The following NAV3 variants were observed in gnomAD, a reference collection of about 807,000 sequenced individuals.
NAV3 encodes neuron navigator 3, also known as pore membrane and/or filament interacting like protein 1.
In NAV3, 87 loss-of-function variants were observed where a neutral mutation model predicts 244.7. That is an observed-to-expected ratio of 0.36 (90% confidence interval 0.30 to 0.42). NAV3 has a LOEUF of 0.42. Among genes scored for constraint, NAV3 ranks in the 20% least tolerant of loss-of-function variants. NAV3 has a pLI of 1.00. For synonymous variants in NAV3, 1,126 were observed against 1,042.2 expected, an observed-to-expected ratio of 1.08 and a Z score of -1.55; for missense variants, 2,663 against 2,893.3, an observed-to-expected ratio of 0.92 and a Z score of 1.83.
intron 12 of NAV3, among the ~76,000 whole-genome samples, chr12:78,096,616 T>C (rs1042627014): frequency 2.6e-5 from 4 of 151,998 alleles, no homozygotes; most frequent in Admixed American, 1.3e-4. Flanking sequence ...GGGGAACTGC[T>C]CTCCATAAAA....
rs996453191 is a variant in NAV3, at chr12:77,706,790, G to A, written c.72+134524G>A. 1.8e-4 allele frequency among the ~76,000 whole-genome samples: 25 copies of A among 142,040 alleles called. 1 individual carries two copies. The highest frequency in any genetic ancestry group is 5.8e-4 in the African/African-American group (22 of 37,946). The allele number at this position is 142,040 out of a possible 152,430, so 93.2% of individuals were successfully genotyped here. A position where few individuals can be genotyped will look rare whatever the true frequency, so the allele number is the denominator to read the frequency against. ...GGAGGCTGAGGCAGGAGAATGGCAT[G>A]AGCCCGGGAGGCGGAGCTTGCAGTG... is the stretch of plus-strand genomic sequence containing the variant. On this transcript the variant is annotated intron_variant, in intron 2 of 8. Transcript: ENST00000550042.
At chr12:78,175,619 T>C (rs1958188273) in intron 25 of NAV3, among the ~76,000 whole-genome samples, 192 bp downstream of exon 25, 1 of 152,052 alleles carries the variant, frequency 6.6e-6, no homozygotes, top group East Asian at 1.9e-4. Context: ...ATGTTGGGAC[T>C]AAACTTGGGT....
chr12:77,583,607 G>A (rs1869466576), intron 2 of NAV3, among the ~76,000 whole-genome samples: 1 of 152,134 alleles, frequency 6.6e-6, no homozygotes, highest in Admixed American at 6.5e-5. Context: ...CATTTCCGAA[G>A]CACTTACCAT....
chr12:77,940,341 A>G lies in NAV3; in HGVS notation c.266A>G (p.His89Arg). The G allele has an allele frequency of 6.2e-7, 1 of 1,613,826 alleles. No homozygotes were observed. Among genetic ancestry groups the G allele is most frequent in the Non-Finnish European group, 8.5e-7 (1 of 1,179,802 alleles). The change falls in exon 2 of 40, where the codon CAC becomes CGC. Residue 89 changes from histidine to arginine, a missense_variant. This residue lies in a region of NAV3 where 1,521 missense variants were observed against 1,497.0 expected (regional missense o/e 1.02). Coordinates refer to ENST00000397909, the MANE Select transcript of NAV3 (RefSeq NM_001024383.2). ...DSKIYTDWAN[H>R]YLAKSGHKRL... ...CAGATTTACACTGACTGGGCCAACC[A>G]CTACCTAGCAAAATCAGGCCACAAG... is the stretch of plus-strand genomic sequence containing the variant.
chr12:77,958,843 T>A (rs1249092483), intron 3 of NAV3, among the ~76,000 whole-genome samples: 1 of 152,132 alleles, frequency 6.6e-6, no homozygotes, highest in Non-Finnish European at 1.5e-5. Flanking sequence ...GACATTAAAT[T>A]GTGCCTGACA....
At chr12:78,177,102 G>A (rs1467947120) in intron 26 of NAV3, 39 bp from the exon 27 acceptor site, 3 of 1,610,514 alleles carry the variant, frequency 1.9e-6, no homozygotes, top group Non-Finnish European at 2.5e-6. Flanking sequence ...CTCTCCAAGT[G>A]CAAATAGACA....
chr12:77,728,337 G>A (rs1173022058), intron 2 of NAV3, among the ~76,000 whole-genome samples: 1 of 151,900 alleles, frequency 6.6e-6, no homozygotes, highest in African/African-American at 2.4e-5. Flanking sequence ...AAATGGCATG[G>A]GTAGACTTGT....
At chr12:78,042,649 G>C (rs953180333) in intron 9 of NAV3, among the ~76,000 whole-genome samples, 2 of 152,032 alleles carry the variant, frequency 1.3e-5, no homozygotes, top group African/African-American at 4.8e-5. Context: ...AAATTAGCCG[G>C]GCATGGTGGC....
chr12:77,585,903 C>T (rs1201725707), intron 2 of NAV3, among the ~76,000 whole-genome samples: 2 of 152,224 alleles, frequency 1.3e-5, no homozygotes, highest in Non-Finnish European at 2.9e-5. Context: ...TGGCACATGC[C>T]TGTAATCCCA....
chr12:77,870,183 G>A (rs1235288184), intron 1 of NAV3, among the ~76,000 whole-genome samples: 1 of 151,946 alleles, frequency 6.6e-6, no homozygotes, highest in East Asian at 1.9e-4. Context: ...TGGGCAACAT[G>A]GTGAAACCCC....
At chr12:77,990,889 A>G (rs913322150) in intron 5 of NAV3, among the ~76,000 whole-genome samples, 36 of 152,050 alleles carry the variant, frequency 2.4e-4, no homozygotes, top group Admixed American at 2.3e-3. Context: ...TTATTATTGT[A>G]TTTCTGTAAT....
At chr12:78,040,838 G>A (rs903159935) in intron 9 of NAV3, among the ~76,000 whole-genome samples, 3 of 152,202 alleles carry the variant, frequency 2.0e-5, no homozygotes, top group African/African-American at 7.2e-5. Flanking sequence ...TAGGTTTAGT[G>A]CTTCTCCAAT....
chr12:77,752,395 C>T (rs1297627440), intron 2 of NAV3, among the ~76,000 whole-genome samples: 6 of 152,094 alleles, frequency 3.9e-5, no homozygotes, highest in South Asian at 2.1e-4. Context: ...CAAATACCCA[C>T]GAGTTCAGGG....
intron 8 of NAV3, among the ~76,000 whole-genome samples, chr12:78,008,915 C>A (rs958077348): frequency 6.6e-6 from 1 of 151,888 alleles, no homozygotes; most frequent in African/African-American, 2.4e-5. Context: ...ATTTCAAAAA[C>A]GTGAGAAAAA....
chr12:77,880,518 G>A (rs1055854235), intron 1 of NAV3, among the ~76,000 whole-genome samples: 6 of 152,058 alleles, frequency 3.9e-5, no homozygotes, highest in African/African-American at 7.2e-5. Context: ...AGTGAGTGAC[G>A]CCTTCTGGAG....
At chr12:77,651,702 G>A (rs1872830602) in intron 2 of NAV3, among the ~76,000 whole-genome samples, 1 of 152,156 alleles carries the variant, frequency 6.6e-6, no homozygotes, top group Non-Finnish European at 1.5e-5. Context: ...GTCTACGTCA[G>A]TTGTATACAA....
In NAV3 at chr12:77,739,464, G is replaced by A. The variant is rs559597895; in HGVS notation, c.72+167198G>A. On this transcript the variant is annotated intron_variant, in intron 2 of 8. Coordinates refer to the NAV3 transcript ENST00000550042. ...ATTTATACCTTTTTGTTAATTCTGTGTATCTCTAGCATTTAATCTGATGCC... is the reference window on the plus strand; with the variant it reads ...ATTTATACCTTTTTGTTAATTCTGTATATCTCTAGCATTTAATCTGATGCC... 7.2e-5 allele frequency among the ~76,000 whole-genome samples: 11 copies of A among 152,146 alleles called. No homozygotes were observed. In the East Asian group the frequency reaches 2.1e-3, roughly 29 times the overall value.
chr12:77,902,182 C>A (rs1252011503), intron 1 of NAV3, among the ~76,000 whole-genome samples: 1 of 152,192 alleles, frequency 6.6e-6, no homozygotes, highest in African/African-American at 2.4e-5. Context: ...ATCTCTCTTA[C>A]TTAATCATCT....
intron 7 of NAV3, among the ~76,000 whole-genome samples, chr12:78,000,714 A>G (rs1279932832): frequency 2.4e-4 from 36 of 148,672 alleles, no homozygotes; most frequent in African/African-American, 7.7e-4. Context: ...CGTGTTAGCC[A>G]GGATGGTCTC....
Sources: gnomAD v4.1 joint callset for allele counts (sites outside exome capture counted in the v4.1 genomes callset) on GRCh38, gnomAD v4.1.1 for gene constraint, gnomAD v4.1.1 regional missense constraint, MANE v1.5 for transcripts, NCBI Gene and HGNC (gene_info 2026-07-23, HGNC 2026-07-21) for gene names.